PALM2AKAP2: variants seen among roughly 807,000 people sequenced by gnomAD.
PALM2AKAP2 encodes PALM2 and AKAP2 fusion.
PALM2AKAP2 carries 37 observed loss-of-function variants against 71.5 expected under a neutral mutation model. That is an observed-to-expected ratio of 0.52 (90% confidence interval 0.40 to 0.68). PALM2AKAP2 has a LOEUF of 0.68. PALM2AKAP2 is among the 30% of genes least tolerant of loss of function. PALM2AKAP2 has a pLI of 0.00. For synonymous variants in PALM2AKAP2, 468 were observed against 478.8 expected, an observed-to-expected ratio of 0.98 and a Z score of 0.29; for missense variants, 1,224 against 1,191.8, an observed-to-expected ratio of 1.03 and a Z score of -0.40.
At chr9:109,994,855 T>G (rs145252242) in intron 6 of PALM2AKAP2, among the ~76,000 whole-genome samples, 1,991 of 152,166 alleles carry the variant, frequency 0.013, 41 homozygotes, top group African/African-American at 0.046. Flanking sequence ...GTTCTGGGAG[T>G]TGACCTTTGC....
intron 3 of PALM2AKAP2, among the ~76,000 whole-genome samples, chr9:109,911,586 T>C (rs1407465958): frequency 6.6e-6 from 1 of 152,238 alleles, no homozygotes; most frequent in Non-Finnish European, 1.5e-5. Context: ...AGTCCAATAT[T>C]GTTCTTTTTT....
chr9:110,060,892 C>T (rs1465546083), intron 1 of PALM2AKAP2, among the ~76,000 whole-genome samples: 1 of 152,154 alleles, frequency 6.6e-6, no homozygotes, highest in African/African-American at 2.4e-5. Context: ...AGTTTTTACT[C>T]TAAATATTAA....
chr9:110,006,328 T>A (rs1391625884), intron 6 of PALM2AKAP2, among the ~76,000 whole-genome samples: 2 of 110,162 alleles, frequency 1.8e-5, no homozygotes, highest in African/African-American at 7.1e-5. Flanking sequence ...TTCCTTCTCT[T>A]TCTTTCTTTC....
chr9:109,781,430 C>T (rs974987781), intron 1 of PALM2AKAP2, among the ~76,000 whole-genome samples: 2 of 152,194 alleles, frequency 1.3e-5, no homozygotes, highest in African/African-American at 4.8e-5. Context: ...AACATATTGG[C>T]ATAAAAGAAT....
rs371655566 is a variant in PALM2AKAP2, at chr9:110,021,264, C to T, written c.582+5225C>T. Among the ~76,000 whole-genome samples, 554 of 152,252 alleles carry T rather than the reference C, an allele frequency of 3.6e-3. 3 individuals carry two copies. The highest frequency in any genetic ancestry group is 6.6e-3 in the Non-Finnish European group (452 of 68,016). ...AGGCAGAGGTTGAAGTTATGCAGCC[C>T]AAGTCAAGAAACACGTGGATCCACC... On this transcript the variant is annotated intron_variant, in intron 7 of 9. Transcript: ENST00000302798.
chr9:110,157,370 T>C (rs1327716342), intron 3 of PALM2AKAP2, among the ~76,000 whole-genome samples: 1 of 149,012 alleles, frequency 6.7e-6, no homozygotes, highest in Non-Finnish European at 1.5e-5. Flanking sequence ...GTTGTGGTTA[T>C]TAATATCCCC....
chr9:109,759,886 T>C (rs952351788), intron 1 of PALM2AKAP2, among the ~76,000 whole-genome samples: 1 of 152,210 alleles, frequency 6.6e-6, no homozygotes, highest in Non-Finnish European at 1.5e-5. Context: ...TATTCTTTTT[T>C]GAAGTAAGGT....
intron 3 of PALM2AKAP2, among the ~76,000 whole-genome samples, chr9:110,168,186 G>A (rs1018818033): frequency 1.3e-5 from 2 of 152,168 alleles, no homozygotes; most frequent in Admixed American, 6.5e-5. Context: ...AAAACTAGGG[G>A]TCAAGTAGCA....
intron 1 of PALM2AKAP2, among the ~76,000 whole-genome samples, chr9:109,861,364 T>C (rs9299175): frequency 0.17 from 26,286 of 152,188 alleles, 2,439 homozygotes; most frequent in South Asian, 0.23. Context: ...TGTCTTCTCA[T>C]CATATTTATT....
chr9:110,062,851 C>T (rs771699417), intron 1 of PALM2AKAP2, among the ~76,000 whole-genome samples: 2 of 152,170 alleles, frequency 1.3e-5, no homozygotes, highest in Non-Finnish European at 2.9e-5. Context: ...GCAAACCTGC[C>T]TCCCCTCTTT....
intron 6 of PALM2AKAP2, among the ~76,000 whole-genome samples, chr9:109,933,529 T>C (rs756494480): frequency 3.9e-5 from 6 of 152,224 alleles, no homozygotes; most frequent in Non-Finnish European, 8.8e-5. Flanking sequence ...AGAAAAAGAA[T>C]TTGAGCAGTG....
chr9:110,165,680 C>G (rs1161870226), intron 3 of PALM2AKAP2, among the ~76,000 whole-genome samples: 1 of 152,130 alleles, frequency 6.6e-6, no homozygotes, highest in African/African-American at 2.4e-5. Flanking sequence ...ATGTCCAAAC[C>G]CAAGCTATAC....
At chr9:110,037,357 C>G (rs556290238) in intron 7 of PALM2AKAP2, among the ~76,000 whole-genome samples, 1 of 152,162 alleles carries the variant, frequency 6.6e-6, no homozygotes, top group Non-Finnish European at 1.5e-5. Flanking sequence ...CAGACATGCG[C>G]CACCACGCCC....
chr9:110,137,035 G>C, exon 2 of PALM2AKAP2: 1 of 1,614,112 alleles, frequency 6.2e-7, no homozygotes, highest in Non-Finnish European at 8.5e-7. Context: ...AAAAGTACAA[G>C]GAGCGCAAAG....
intron 1 of PALM2AKAP2, among the ~76,000 whole-genome samples, chr9:109,784,912 A>G (rs1051228794): frequency 5.3e-5 from 8 of 152,230 alleles, no homozygotes; most frequent in African/African-American, 1.7e-4. Flanking sequence ...TCCTTTTGAG[A>G]GTCTTTCAAG....
At chr9:109,879,701 T>G (rs992835960) in intron 2 of PALM2AKAP2, among the ~76,000 whole-genome samples, 1 of 23,218 alleles carries the variant, frequency 4.3e-5, no homozygotes, top group African/African-American at 8.9e-5. Context: ...GATGTATGGT[T>G]TTTTTTTTTT....
chr9:109,692,561 G>T (rs1380486404), intron 1 of PALM2AKAP2, among the ~76,000 whole-genome samples: 1 of 151,928 alleles, frequency 6.6e-6, no homozygotes, highest in East Asian at 1.9e-4. Context: ...TAGGTATCAT[G>T]TAGCTATAGG....
At chr9:110,134,334 TA>T (rs1340079659) in intron 1 of PALM2AKAP2, among the ~76,000 whole-genome samples, 1 of 151,412 alleles carries the variant, frequency 6.6e-6, no homozygotes, top group Non-Finnish European at 1.5e-5. Flanking sequence ...TGGTCAAAAA[TA>T]AAAAATAAAG....
chr9:109,882,046 A>G (rs777363524), intron 3 of PALM2AKAP2, among the ~76,000 whole-genome samples: 193 of 151,938 alleles, frequency 1.3e-3, no homozygotes, highest in Non-Finnish European at 2.1e-3. Context: ...AACCACGCCC[A>G]GCTAATTTTT....
Sources: allele counts gnomAD v4.1 joint callset (sites outside exome capture counted in the v4.1 genomes callset), GRCh38; gene constraint gnomAD v4.1.1; transcripts MANE v1.5; gene names NCBI Gene and HGNC (gene_info 2026-07-23, HGNC 2026-07-21).